Variants in ADGRL3 observed in about 807,000 individuals in gnomAD.
The protein encoded by ADGRL3 is adhesion G protein-coupled receptor L3, also known as calcium-independent alpha-latrotoxin receptor 3.
In ADGRL3, 62 loss-of-function variants were observed where a neutral mutation model predicts 153.5. That is an observed-to-expected ratio of 0.40 (90% confidence interval 0.33 to 0.50). ADGRL3 has a LOEUF of 0.50. ADGRL3 is among the 20% of genes least tolerant of loss of function. ADGRL3 has a pLI of 0.47. For missense variants in ADGRL3, 1,641 were observed against 1,859.4 expected, an observed-to-expected ratio of 0.88 and a Z score of 2.16; for synonymous variants, 710 against 672.5, an observed-to-expected ratio of 1.06 and a Z score of -0.86.
chr4:61,711,458 TTATATATATATATATA>T (rs1167827672), intron 6 of ADGRL3, among the ~76,000 whole-genome samples: 12 of 34,658 alleles, frequency 3.5e-4, no homozygotes, highest in African/African-American at 1.1e-3. Context: ...ATATGCTTCA[TTATATATATATATATA>T]TATATATATA....
intron 1 of ADGRL3, among the ~76,000 whole-genome samples, chr4:61,315,376 C>A (rs889220087): frequency 6.6e-6 from 1 of 152,128 alleles, no homozygotes; most frequent in Admixed American, 6.5e-5. Context: ...TAGGTCCTGT[C>A]GAACTGCTTA....
intron 5 of ADGRL3, among the ~76,000 whole-genome samples, chr4:61,614,054 T>C (rs2091710770): frequency 6.6e-6 from 1 of 152,050 alleles, no homozygotes; most frequent in African/African-American, 2.4e-5. Context: ...AATTGAAAAA[T>C]AGTATTTTTA....
At chr4:62,006,032 A>ATATATATATATATTTT (rs1203029363) in intron 21 of ADGRL3, among the ~76,000 whole-genome samples, 1 of 73,090 alleles carries the variant, frequency 1.4e-5, no homozygotes, top group African/African-American at 5.0e-5. Context: ...ATATATATAT[A>ATATATATATATATTTT]TTTTTTTTTT....
intron 6 of ADGRL3, among the ~76,000 whole-genome samples, chr4:61,687,969 C>A (rs1002294897): frequency 4.6e-5 from 7 of 151,882 alleles, no homozygotes; most frequent in African/African-American, 7.3e-5. Context: ...ATGCCCACAC[C>A]CTCATGATAC....
chr4:61,462,707 A>G (rs1394866362), intron 2 of ADGRL3, among the ~76,000 whole-genome samples: 1 of 152,186 alleles, frequency 6.6e-6, no homozygotes, highest in Non-Finnish European at 1.5e-5. Context: ...GAAAAGTTAT[A>G]TTGATAGTTT....
chr4:61,377,609 T>C (rs2096619256), intron 1 of ADGRL3, among the ~76,000 whole-genome samples: 1 of 150,652 alleles, frequency 6.6e-6, no homozygotes, highest in Admixed American at 6.6e-5. Context: ...TTTCATAGCA[T>C]AAATAAATAA....
At chr4:61,408,525 A>G (rs1414210534) in intron 2 of ADGRL3, among the ~76,000 whole-genome samples, 1 of 151,720 alleles carries the variant, frequency 6.6e-6, no homozygotes, top group Non-Finnish European at 1.5e-5. Flanking sequence ...CTTAAGCCCT[A>G]CATGTATTTT....
At chr4:61,434,546 AATAG>A (rs1218157992) in intron 2 of ADGRL3, among the ~76,000 whole-genome samples, 5 of 152,150 alleles carry the variant, frequency 3.3e-5, no homozygotes, top group African/African-American at 4.8e-5. Flanking sequence ...CTGTAGTCAG[AATAG>A]ATAATGGACA....
chr4:61,411,116 C>T (rs2097081665), intron 2 of ADGRL3, among the ~76,000 whole-genome samples: 1 of 152,122 alleles, frequency 6.6e-6, no homozygotes, highest in Non-Finnish European at 1.5e-5. Context: ...GTCATATGCC[C>T]ATGATGTCAG....
At chr4:61,393,842 T>C (rs890399079) in intron 2 of ADGRL3, among the ~76,000 whole-genome samples, 3 of 152,116 alleles carry the variant, frequency 2.0e-5, no homozygotes, top group Non-Finnish European at 4.4e-5. Flanking sequence ...TTAGTACATA[T>C]TGTATTAGTG....
chr4:61,549,828 G>A (rs6813628), intron 4 of ADGRL3, among the ~76,000 whole-genome samples: 56,968 of 151,556 alleles, frequency 0.38, 11,275 homozygotes, highest in East Asian at 0.76. Flanking sequence ...TTCTGAATCC[G>A]ATGATTAATA....
intron 1 of ADGRL3, among the ~76,000 whole-genome samples, chr4:61,371,509 T>G (rs532026522): frequency 0.046 from 7,009 of 151,290 alleles, 497 homozygotes; most frequent in African/African-American, 0.16. Context: ...TGGCTGGATA[T>G]GAAATTCTGG....
intron 5 of ADGRL3, among the ~76,000 whole-genome samples, chr4:61,660,135 A>C (rs1272160262): frequency 6.6e-6 from 1 of 152,206 alleles, no homozygotes; most frequent in Non-Finnish European, 1.5e-5. Context: ...TTCCTGAAAA[A>C]TGTGTGAGGC....
chr4:61,297,565 T>C (rs1235605306), intron 1 of ADGRL3, among the ~76,000 whole-genome samples: 1 of 151,800 alleles, frequency 6.6e-6, no homozygotes, highest in Non-Finnish European at 1.5e-5. Context: ...TAACAAAACA[T>C]TTTTTTTCCT....
chr4:61,306,639 A>C (rs1276093974), intron 1 of ADGRL3, among the ~76,000 whole-genome samples: 1 of 152,160 alleles, frequency 6.6e-6, no homozygotes, highest in Non-Finnish European at 1.5e-5. Context: ...CATTTCTCCA[A>C]CTCTAGGATT....
intron 1 of ADGRL3, among the ~76,000 whole-genome samples, chr4:61,362,986 A>C (rs1560520649): frequency 1.3e-5 from 2 of 152,186 alleles, no homozygotes; most frequent in Non-Finnish European, 2.9e-5. Flanking sequence ...TTTTGATTCA[A>C]AGCATACCAT....
At chr4:61,388,361 C>A (rs1194197432) in intron 2 of ADGRL3, among the ~76,000 whole-genome samples, 2 of 152,162 alleles carry the variant, frequency 1.3e-5, no homozygotes, top group African/African-American at 2.4e-5. Flanking sequence ...GAAAGATGTG[C>A]TGGAGAAGGT....
At chr4:61,558,720 G>A (rs2098780747) in intron 4 of ADGRL3, among the ~76,000 whole-genome samples, 1 of 151,700 alleles carries the variant, frequency 6.6e-6, no homozygotes, top group South Asian at 2.1e-4. Context: ...TAGATTTACT[G>A]CCTTTAAAAT....
At chr4:61,837,481 G>A (rs541013823) in intron 9 of ADGRL3, among the ~76,000 whole-genome samples, 1 of 152,224 alleles carries the variant, frequency 6.6e-6, no homozygotes, top group East Asian at 1.9e-4. Flanking sequence ...AGAACGGGAA[G>A]ATGTTAGGAA....
Sources: gnomAD v4.1 joint callset for allele counts (sites outside exome capture counted in the v4.1 genomes callset) on GRCh38, gnomAD v4.1.1 for gene constraint, MANE v1.5 for transcripts, NCBI Gene and HGNC (gene_info 2026-07-23, HGNC 2026-07-21) for gene names.